The following DPP10 variants were observed in gnomAD, a reference collection of about 807,000 sequenced individuals.
The protein encoded by DPP10 is dipeptidyl peptidase like 10.
Under a neutral mutation model 120.9 loss-of-function variants are expected in DPP10, and 33 were observed. The observed-to-expected ratio is 0.27, with a 90% CI of 0.21 to 0.37. The LOEUF (loss-of-function observed/expected upper bound fraction) is 0.37, where lower values mean the gene tolerates loss of function less well. Ranked by LOEUF, DPP10 falls within the 10% of genes least tolerant of loss-of-function variation. DPP10 has a pLI of 1.00. For missense variants in DPP10, 816 were observed against 942.8 expected (o/e 0.87, Z 1.76); for synonymous variants, 337 against 326.1 (o/e 1.03, Z -0.36).
intron 1 of DPP10, among the ~76,000 whole-genome samples, chr2:115,093,425 A>G (rs1709446928): frequency 6.6e-6 from 1 of 152,168 alleles, no homozygotes; most frequent in Admixed American, 6.6e-5. Context: ...TAATTGCCCA[A>G]TATAAATAAT....
intron 1 of DPP10, among the ~76,000 whole-genome samples, chr2:114,505,270 T>G (rs934782953): frequency 6.6e-6 from 1 of 150,996 alleles, no homozygotes; most frequent in Admixed American, 6.6e-5. Context: ...ACAAAGGGAT[T>G]TGGGCTAGGA....
chr2:115,172,687 G>A lies in DPP10; in HGVS notation c.61-136552G>A, dbSNP rs199952946. 5.9e-5 allele frequency among the ~76,000 whole-genome samples: 9 copies of A among 152,254 alleles called. No individual in the cohort carries two copies. The East Asian group carries it at 1.5e-3, about 26-fold the overall frequency. ...GTTTATTTTGCAGAACTGTTGTGAG[G>A]ATCAGCAATGAAATAGGTTTACTAT... On this transcript the variant is annotated intron_variant, in intron 1 of 25. Transcript: ENST00000410059.
At chr2:115,591,899 T>C (rs1039564786) in intron 5 of DPP10, among the ~76,000 whole-genome samples, 1 of 152,168 alleles carries the variant, frequency 6.6e-6, no homozygotes, top group Non-Finnish European at 1.5e-5. Context: ...TCCTATCCTA[T>C]CCTATTTTAT....
chr2:114,770,310 A>T (rs1681136963), intron 1 of DPP10, among the ~76,000 whole-genome samples: 1 of 152,160 alleles, frequency 6.6e-6, no homozygotes, highest in African/African-American at 2.4e-5. Flanking sequence ...GCGAAAAGGG[A>T]GGATTTATAT....
intron 1 of DPP10, among the ~76,000 whole-genome samples, chr2:115,074,474 C>T (rs911568383): frequency 1.3e-5 from 2 of 152,114 alleles, no homozygotes; most frequent in Non-Finnish European, 2.9e-5. Flanking sequence ...ATTTAGGGTA[C>T]GTGAAGCAGG....
intron 1 of DPP10, among the ~76,000 whole-genome samples, chr2:114,981,493 G>A (rs114316863): frequency 0.014 from 2,164 of 152,214 alleles, 49 homozygotes; most frequent in African/African-American, 0.05. Context: ...CCATATGATC[G>A]TAAGAAAAAG....
At chr2:114,815,005 T>C (rs199977490) in intron 1 of DPP10, among the ~76,000 whole-genome samples, 2 of 152,142 alleles carry the variant, frequency 1.3e-5, no homozygotes, top group East Asian at 1.9e-4. Flanking sequence ...AGGAAAGCAA[T>C]GGCAAGAGAA....
intron 1 of DPP10, among the ~76,000 whole-genome samples, chr2:115,176,451 C>A (rs886230411): frequency 2.0e-5 from 3 of 151,414 alleles, no homozygotes; most frequent in African/African-American, 7.3e-5. Flanking sequence ...AAATGAGGAT[C>A]TGAGGTTTAT....
At chr2:114,843,281 C>G (rs974199623) in intron 1 of DPP10, among the ~76,000 whole-genome samples, 7 of 152,070 alleles carry the variant, frequency 4.6e-5, no homozygotes, top group African/African-American at 1.4e-4. Context: ...GACTTCTAAA[C>G]AAATCCCCCT....
At chr2:115,639,960 ATT>A (rs35714070) in intron 5 of DPP10, among the ~76,000 whole-genome samples, 153 of 143,162 alleles carry the variant, frequency 1.1e-3, no homozygotes, top group South Asian at 3.4e-3. Flanking sequence ...CATACAGTAG[ATT>A]TTTTTTTTTT....
At position 115,699,198 on chromosome 2, in the gene DPP10, T is replaced by G. The variant is rs2091772979; in HGVS notation, c.576+9277T>G. ...GACGAAATGAAGATAGTACCAAAAATGCAAAACTTCGTAGTAGAGTCATGA... is the reference window on the plus strand; with the variant it reads ...GACGAAATGAAGATAGTACCAAAAAGGCAAAACTTCGTAGTAGAGTCATGA... On this transcript the variant is annotated intron_variant, in intron 7 of 25. Coordinates refer to ENST00000410059, the MANE Select transcript of DPP10 (RefSeq NM_020868.6). Among the ~76,000 whole-genome samples, 4 of 152,004 alleles carry G rather than the reference T, an allele frequency of 2.6e-5. No individual in the cohort carries two copies. The South Asian group carries it at 8.3e-4, about 31-fold the overall frequency.
chr2:115,454,101 C>T (rs1305950121), intron 3 of DPP10, among the ~76,000 whole-genome samples: 1 of 151,042 alleles, frequency 6.6e-6, no homozygotes, highest in Non-Finnish European at 1.5e-5. Context: ...AAAATAAAAG[C>T]CCTCTATCTC....
At chr2:115,325,884 T>C (rs538181671) in intron 2 of DPP10, among the ~76,000 whole-genome samples, 1 of 152,254 alleles carries the variant, frequency 6.6e-6, no homozygotes, top group South Asian at 2.1e-4. Flanking sequence ...TCTGACCTGA[T>C]AAAGACACAT....
chr2:115,568,170 C>A (rs971966434), intron 5 of DPP10, among the ~76,000 whole-genome samples: 8 of 139,336 alleles, frequency 5.7e-5, no homozygotes, highest in African/African-American at 2.2e-4. Flanking sequence ...AAGAGAGAGA[C>A]TCCGTCTCAA....
chr2:115,164,814 A>G lies in DPP10; in HGVS notation c.61-144425A>G, dbSNP rs182969739. On this transcript the variant is annotated intron_variant, in intron 1 of 25. Transcript: ENST00000410059. ...TCCTCTGGCACAGGGTGCCATGACA[A>G]GAGGACATGCCCTCCCTCCCTAGAG... is the stretch of plus-strand genomic sequence containing the variant. Among the ~76,000 whole-genome samples, 180 of 152,348 alleles carry G rather than the reference A, an allele frequency of 1.2e-3. 1 individual carries two copies. In the Middle Eastern group the frequency reaches 0.014, roughly 12 times the overall value.
chr2:115,060,047 A>G (rs911087741), intron 1 of DPP10, among the ~76,000 whole-genome samples: 3 of 152,102 alleles, frequency 2.0e-5, no homozygotes, highest in Non-Finnish European at 4.4e-5. Context: ...ACAATTATTT[A>G]AAGCTCCCTC....
intron 5 of DPP10, among the ~76,000 whole-genome samples, chr2:115,656,133 A>AACACACACACACAC (rs146572509): frequency 8.4e-5 from 12 of 143,228 alleles, no homozygotes; most frequent in African/African-American, 2.8e-4. Context: ...GTTCTTACCA[A>AACACACACACACAC]ACACACACAC....
At chr2:114,923,096 A>G (rs539683539) in intron 1 of DPP10, among the ~76,000 whole-genome samples, 1 of 152,274 alleles carries the variant, frequency 6.6e-6, no homozygotes, top group East Asian at 1.9e-4. Context: ...TTATTGTTAA[A>G]TTATAAGAGT....
intron 7 of DPP10, among the ~76,000 whole-genome samples, chr2:115,702,057 G>T (rs1192819118): frequency 6.6e-6 from 1 of 151,974 alleles, no homozygotes; most frequent in African/African-American, 2.4e-5. Context: ...CCATTTACTA[G>T]TGAGAATACC....
Sources: gnomAD v4.1 joint callset for allele counts (sites outside exome capture counted in the v4.1 genomes callset) on GRCh38, gnomAD v4.1.1 for gene constraint, MANE v1.5 for transcripts, NCBI Gene and HGNC (gene_info 2026-07-23, HGNC 2026-07-21) for gene names.